The following TSHZ2 variants were observed in gnomAD, a reference collection of about 807,000 sequenced individuals.
TSHZ2 encodes the protein teashirt homolog 2.
Under a neutral mutation model 74.4 loss-of-function variants are expected in TSHZ2, and 21 were observed. That is an observed-to-expected ratio of 0.28 (90% CI 0.20 to 0.41). The LOEUF (loss-of-function observed/expected upper bound fraction) is 0.41, where lower values mean the gene tolerates loss of function less well. Among genes scored for constraint, TSHZ2 ranks in the 10% least tolerant of loss-of-function variants. TSHZ2 has a pLI of 1.00. For synonymous variants in TSHZ2, 540 were observed against 515.3 expected, an observed-to-expected ratio of 1.05 and a Z score of -0.65; for missense variants, 1,244 against 1,293.5, an observed-to-expected ratio of 0.96 and a Z score of 0.59.
intron 1 of TSHZ2, among the ~76,000 whole-genome samples, chr20:53,245,756 C>T (rs1990186967): frequency 6.6e-6 from 1 of 152,174 alleles, no homozygotes; most frequent in East Asian, 1.9e-4. Context: ...TACACTTCCT[C>T]TTTTGTCCTG....
intron 1 of TSHZ2, among the ~76,000 whole-genome samples, chr20:53,223,797 G>T (rs975434342): frequency 6.6e-6 from 1 of 152,070 alleles, no homozygotes; most frequent in Admixed American, 6.5e-5. Flanking sequence ...TGGCCATAAA[G>T]AGTAGTACAA....
In TSHZ2 at chr20:53,299,335, A is replaced by G. The variant is rs1445591307; in HGVS notation, c.*8+42764A>G. ...AACAACTTGAACTGCTCTTTTCCCC[A>G]TTAAATTACAATGACTCCTCAGCTC... On this transcript the variant is annotated intron_variant, in intron 2 of 2. Coordinates refer to ENST00000371497, the MANE Select transcript of TSHZ2 (RefSeq NM_173485.6). 2.6e-5 allele frequency among the ~76,000 whole-genome samples: 4 copies of G among 152,324 alleles called. No homozygotes were observed. The East Asian group carries it at 7.7e-4, about 29-fold the overall frequency.
intron 2 of TSHZ2, among the ~76,000 whole-genome samples, chr20:53,408,527 A>T (rs778378192): frequency 7.2e-5 from 11 of 152,250 alleles, no homozygotes; most frequent in Non-Finnish European, 1.5e-4. Context: ...TGATATGTCT[A>T]AGTGACTTCT....
chr20:53,470,522 A>G (rs1985764891), intron 2 of TSHZ2, among the ~76,000 whole-genome samples: 1 of 152,158 alleles, frequency 6.6e-6, no homozygotes, highest in African/African-American at 2.4e-5. Flanking sequence ...TCTTTTTAAA[A>G]TAATAACACT....
chr20:53,486,000 A>T (rs1986281298), intron 2 of TSHZ2, among the ~76,000 whole-genome samples: 1 of 152,168 alleles, frequency 6.6e-6, no homozygotes, highest in African/African-American at 2.4e-5. Context: ...TTTTCATCTT[A>T]CAAAAGATGA....
chr20:53,140,338 G>A (rs1030149297), intron 1 of TSHZ2, among the ~76,000 whole-genome samples: 1 of 151,520 alleles, frequency 6.6e-6, no homozygotes, highest in Non-Finnish European at 1.5e-5. Context: ...CAGGAGATCG[G>A]GACCATCCTG....
chr20:53,193,185 AAAG>A (rs1237569202), intron 1 of TSHZ2, among the ~76,000 whole-genome samples: 2 of 56,026 alleles, frequency 3.6e-5, no homozygotes, highest in African/African-American at 6.5e-5. Context: ...AAAAAAGAAA[AAAG>A]AAAAAAAAAA....
At chr20:53,086,110 T>C (rs1266708975) in intron 1 of TSHZ2, among the ~76,000 whole-genome samples, 1 of 152,186 alleles carries the variant, frequency 6.6e-6, no homozygotes, top group Admixed American at 6.5e-5. Context: ...AGCTGCCCAC[T>C]GTGCATCTCA....
chr20:53,155,381 G>A (rs1987770937), intron 1 of TSHZ2, among the ~76,000 whole-genome samples: 1 of 151,958 alleles, frequency 6.6e-6, no homozygotes, highest in South Asian at 2.1e-4. Context: ...ACGAACATAG[G>A]ACTCATGGTA....
At chr20:53,274,582 T>C (rs1005215530) in intron 2 of TSHZ2, among the ~76,000 whole-genome samples, 1 of 152,190 alleles carries the variant, frequency 6.6e-6, no homozygotes, top group Non-Finnish European at 1.5e-5. Flanking sequence ...GAGAGTTCTG[T>C]TGATCAGGGG....
At position 53,246,022 on chromosome 20, in the gene TSHZ2, T is replaced by TTCTC. The variant is rs763270208; in HGVS notation, c.41-7474_41-7473insCTCT. Among the ~76,000 whole-genome samples, 238 of 147,254 alleles carry TTCTC rather than the reference T, an allele frequency of 1.6e-3. 3 individuals are homozygous for TTCTC. Among genetic ancestry groups the TTCTC allele is most frequent in the East Asian group, 5.1e-3 (26 of 5,086 alleles). ...AAGTCCTTCAGTAGCAGCTGTGCTT[T>TTCTC]TCTTTCTTTCTTTCTTTCTTTTTTT... On this transcript the variant is annotated intron_variant, in intron 1 of 2. Coordinates refer to ENST00000371497, the MANE Select transcript of TSHZ2 (RefSeq NM_173485.6).
intron 1 of TSHZ2, among the ~76,000 whole-genome samples, chr20:53,205,639 A>G (rs769549211): frequency 2.6e-5 from 4 of 152,170 alleles, no homozygotes; most frequent in Non-Finnish European, 5.9e-5. Flanking sequence ...AGATCCGAGC[A>G]TATTTACCTG....
intron 2 of TSHZ2, among the ~76,000 whole-genome samples, chr20:53,441,941 C>A (rs1021931992): frequency 1.3e-5 from 2 of 152,122 alleles, no homozygotes; most frequent in Non-Finnish European, 2.9e-5. Context: ...TGTGCAGAAA[C>A]AAATTGCAAG....
At chr20:53,355,453 T>A (rs1980811768) in intron 2 of TSHZ2, among the ~76,000 whole-genome samples, 1 of 152,210 alleles carries the variant, frequency 6.6e-6, no homozygotes, top group Admixed American at 6.5e-5. Context: ...TACTTGTTCA[T>A]ACTATTATAA....
rs750546982 is a variant in TSHZ2, at chr20:53,264,501, G to A, written c.*8+7930G>A. Among the ~76,000 whole-genome samples, 130 of 152,282 alleles carry A rather than the reference G, an allele frequency of 8.5e-4. 1 individual carries two copies. Among genetic ancestry groups the A allele is most frequent in the Non-Finnish European group, 1.4e-3 (94 of 68,016 alleles). Reference sequence around the variant, plus strand: ...GAGCTGATTTTTGAACATGTGTAACGGTGCCTTGGCTGTATTTGCTACAAA... The same window carrying A: ...GAGCTGATTTTTGAACATGTGTAACAGTGCCTTGGCTGTATTTGCTACAAA... On this transcript the variant is annotated intron_variant, in intron 2 of 2. Coordinates refer to ENST00000371497, the MANE Select transcript of TSHZ2 (RefSeq NM_173485.6).
At chr20:53,036,500 T>C (rs1983823862) in intron 1 of TSHZ2, among the ~76,000 whole-genome samples, 1 of 151,084 alleles carries the variant, frequency 6.6e-6, no homozygotes, top group African/African-American at 2.4e-5. Context: ...TACACACATA[T>C]ATAAACACAT....
At chr20:53,334,957 C>T (rs1979885292) in intron 2 of TSHZ2, among the ~76,000 whole-genome samples, 7 of 152,188 alleles carry the variant, frequency 4.6e-5, no homozygotes, top group Admixed American at 4.6e-4. Context: ...GCTGGGATTA[C>T]AGGTGTGAGC....
intron 1 of TSHZ2, among the ~76,000 whole-genome samples, chr20:53,025,101 A>G: frequency 6.6e-6 from 1 of 151,980 alleles, no homozygotes; most frequent in East Asian, 1.9e-4. Flanking sequence ...AAATTTGAAA[A>G]GAATTAGATA....
intron 1 of TSHZ2, among the ~76,000 whole-genome samples, chr20:53,216,638 C>T (rs1273086757): frequency 6.6e-6 from 1 of 152,218 alleles, no homozygotes; most frequent in Non-Finnish European, 1.5e-5. Flanking sequence ...TTTCTCATCC[C>T]CTGATGTTTA....
Sources: gnomAD v4.1 joint callset for allele counts (sites outside exome capture counted in the v4.1 genomes callset) on GRCh38, gnomAD v4.1.1 for gene constraint, MANE v1.5 for transcripts, NCBI Gene and HGNC (gene_info 2026-07-23, HGNC 2026-07-21) for gene names.